FBXL18: variants seen among roughly 807,000 people sequenced by gnomAD.
The protein encoded by FBXL18 is F-box/LRR-repeat protein 18.
A neutral mutation model predicts 46.0 loss-of-function variants in FBXL18; 36 were observed. The observed-to-expected ratio is 0.78, with a 90% CI of 0.60 to 1.03. The LOEUF is 1.03. Among genes scored for constraint, FBXL18 ranks in the 50% least tolerant of loss-of-function variants. The probability of loss-of-function intolerance (pLI) is 0.00; values close to 1 mark genes in which losing one functional copy is unlikely to be tolerated. For missense variants in FBXL18, 977 were observed against 1,004.1 expected (o/e 0.97, Z 0.36); for synonymous variants, 557 against 465.3 (o/e 1.20, Z -2.54).
chr7:5,455,739 C>T lies in FBXL18; in HGVS notation c.2001-7896G>A, dbSNP rs1783163361. Reference sequence around the variant, plus strand: ...TGGATGTCCCTAGATGGTGCCTCCCCCCCACCCCCACTACACACACACAAA... The same window carrying T: ...TGGATGTCCCTAGATGGTGCCTCCCTCCCACCCCCACTACACACACACAAA... On this transcript the variant is annotated intron_variant and NMD_transcript_variant, in intron 4 of 6. Coordinates refer to the FBXL18 transcript ENST00000415009. This position sits in a 1 kb window ranked among gnomAD's most constrained non-coding sequence, Gnocchi z 4.6. 6.7e-6 allele frequency among the ~76,000 whole-genome samples: 1 copy of T among 150,246 alleles called. No individual in the cohort carries two copies. Among genetic ancestry groups the T allele is most frequent in the South Asian group, 2.1e-4 (1 of 4,694 alleles).
chr7:5,497,538 C>T (rs564104767), intron 3 of FBXL18, among the ~76,000 whole-genome samples: 1 of 152,286 alleles, frequency 6.6e-6, no homozygotes, highest in African/African-American at 2.4e-5. Flanking sequence ...GGGAGGAGGT[C>T]GAGAGGGAGG....
At chr7:5,485,146 G>C (rs1783741261) in intron 4 of FBXL18, among the ~76,000 whole-genome samples, 1 of 152,166 alleles carries the variant, frequency 6.6e-6, no homozygotes, top group Admixed American at 6.6e-5. Context: ...CACACCCTGA[G>C]GGGGTCACAG....
At chr7:5,498,261 G>A (rs967527310) in intron 3 of FBXL18, among the ~76,000 whole-genome samples, 3 of 151,704 alleles carry the variant, frequency 2.0e-5, no homozygotes, top group Non-Finnish European at 4.4e-5. Context: ...CTAATTTTTT[G>A]TATTTTTAGT....
At chr7:5,484,919 G>A (rs1783736165) in intron 4 of FBXL18, among the ~76,000 whole-genome samples, 1 of 152,190 alleles carries the variant, frequency 6.6e-6, no homozygotes, top group South Asian at 2.1e-4. Flanking sequence ...GATTACAGGT[G>A]TGAGCCACCA....
At chr7:5,458,548 A>G (rs1426918798) in intron 4 of FBXL18, among the ~76,000 whole-genome samples, 1 of 152,078 alleles carries the variant, frequency 6.6e-6, no homozygotes, top group Non-Finnish European at 1.5e-5. Context: ...AAATACAAAA[A>G]TTAGCCAGGC....
downstream of FBXL18, among the ~76,000 whole-genome samples, chr7:5,474,221 T>C (rs1001603950): frequency 2.6e-5 from 4 of 151,716 alleles, no homozygotes; most frequent in South Asian, 6.2e-4. Flanking sequence ...AGAGTTTCAG[T>C]TGGGAAAGAT....
At chr7:5,482,523 G>A (rs186310721) in intron 4 of FBXL18, among the ~76,000 whole-genome samples, 2,719 of 122,756 alleles carry the variant, frequency 0.022, 82 homozygotes, top group African/African-American at 0.08. Flanking sequence ...ACCCCCAGGC[G>A]ACCAGCCCCC....
downstream of FBXL18, among the ~76,000 whole-genome samples, chr7:5,475,105 G>T (rs1783488857): frequency 6.6e-6 from 1 of 150,978 alleles, no homozygotes; most frequent in Non-Finnish European, 1.5e-5. The surrounding 1 kb of genome is among the most constrained non-coding windows in gnomAD (Gnocchi z 4.2). Context: ...GATCACTTGA[G>T]GTCAGGAGTT....
chr7:5,473,583 G>A (rs1783461918), downstream of FBXL18, among the ~76,000 whole-genome samples: 1 of 152,084 alleles, frequency 6.6e-6, no homozygotes, highest in East Asian at 1.9e-4. Context: ...CCAACATGGT[G>A]AAACCCCGTC....
intron 3 of FBXL18, among the ~76,000 whole-genome samples, chr7:5,498,564 T>A (rs1584230387): frequency 6.6e-6 from 1 of 150,862 alleles, no homozygotes; most frequent in Non-Finnish European, 1.5e-5. Context: ...CCATTTGGGG[T>A]AATTTTTCTT....
chr7:5,489,169 G>T, intron 4 of FBXL18: 1 of 488,292 alleles, frequency 2.0e-6, no homozygotes, highest in Non-Finnish European at 4.1e-6. Context: ...GAGCCGTGAG[G>T]ACAGCACTGA....
Position 5,491,363 on chromosome 7 carries a change from G to C in FBXL18, c.1868C>G (p.Ser623Cys), listed in dbSNP as rs1783920885. 6.2e-7 allele frequency: 1 copy of C among 1,610,420 alleles called. No homozygotes were observed. The highest frequency in any genetic ancestry group is 1.1e-5 in the South Asian group (1 of 90,524). Residue 623 changes from serine to cysteine, a missense_variant, in exon 4 of 5, where the codon TCT (serine) becomes TGT (cysteine). Ser to Cys is a moderately radical substitution (Grantham distance 112, BLOSUM62 -1). Coordinates refer to ENST00000382368, the MANE Select transcript of FBXL18 (RefSeq NM_024963.6). Reference sequence around the variant, plus strand: ...ATCGGGCTGGAGGGTGCCGCTGCGAGAGACCAGGCACAGGCGCTGCAGCGA... The same window carrying C: ...ATCGGGCTGGAGGGTGCCGCTGCGACAGACCAGGCACAGGCGCTGCAGCGA... The part of the protein sequence containing the change: ...CPSLQRLCLV[S>C]RSGTLQPDAV...
intron 3 of FBXL18, among the ~76,000 whole-genome samples, chr7:5,500,008 T>C (rs1784189594): frequency 6.7e-6 from 1 of 150,256 alleles, no homozygotes; most frequent in Admixed American, 6.7e-5. Flanking sequence ...GAGGATGAAG[T>C]GAGCTATGAT....
chr7:5,486,891 C>G (rs898518840), intron 4 of FBXL18, among the ~76,000 whole-genome samples: 1 of 152,242 alleles, frequency 6.6e-6, no homozygotes, highest in Non-Finnish European at 1.5e-5. Flanking sequence ...CGCACAACAG[C>G]CCGGGGCCAG....
chr7:5,502,692 G>A (rs1784297916), intron 2 of FBXL18, among the ~76,000 whole-genome samples: 1 of 152,116 alleles, frequency 6.6e-6, no homozygotes, highest in African/African-American at 2.4e-5. Flanking sequence ...TTAGCTGGGT[G>A]TGGTGGCAGG....
intron 4 of FBXL18, among the ~76,000 whole-genome samples, chr7:5,458,360 T>C (rs1783200774): frequency 2.6e-5 from 4 of 151,878 alleles, no homozygotes; most frequent in Non-Finnish European, 5.9e-5. Context: ...AGGTCAGGAG[T>C]TCGAGACCAA....
At chr7:5,466,992 G>A (rs1028475748) in intron 4 of FBXL18, among the ~76,000 whole-genome samples, 2 of 152,136 alleles carry the variant, frequency 1.3e-5, no homozygotes, top group Non-Finnish European at 2.9e-5. Context: ...CGAGGCAGGC[G>A]GATCACCTGA....
At chr7:5,454,606 G>A (rs1783147245) in intron 4 of FBXL18, among the ~76,000 whole-genome samples, 1 of 152,170 alleles carries the variant, frequency 6.6e-6, no homozygotes, top group Non-Finnish European at 1.5e-5. Flanking sequence ...CAGGAGGAAA[G>A]AAATGAGTTC....
chr7:5,510,281 C>T (rs1440330825), intron 1 of FBXL18, among the ~76,000 whole-genome samples: 7 of 120,206 alleles, frequency 5.8e-5, no homozygotes, highest in Admixed American at 1.1e-4. Context: ...CCAGCCTGGG[C>T]GAAAGAGTAA....
Sources: allele counts gnomAD v4.1 joint callset (sites outside exome capture counted in the v4.1 genomes callset), GRCh38; gene constraint gnomAD v4.1.1; non-coding constraint Gnocchi (gnomAD v3.1); transcripts MANE v1.5; gene names NCBI Gene and HGNC (gene_info 2026-07-23, HGNC 2026-07-21).